FBXW4: variants seen among roughly 807,000 people sequenced by gnomAD.
FBXW4 encodes F-box/WD repeat-containing protein 4.
A neutral mutation model predicts 61.8 loss-of-function variants in FBXW4; 40 were observed. The observed-to-expected ratio is 0.65, with a 90% confidence interval of 0.50 to 0.84. The LOEUF (loss-of-function observed/expected upper bound fraction) is 0.84. Among genes scored for constraint, FBXW4 ranks in the 40% least tolerant of loss-of-function variants. The probability of loss-of-function intolerance (pLI) is 0.00; values close to 1 mark genes in which losing one functional copy is unlikely to be tolerated. For missense variants in FBXW4, 672 were observed against 753.8 expected, an observed-to-expected ratio of 0.89 and a Z score of 1.27; for synonymous variants, 311 against 313.8, an observed-to-expected ratio of 0.99 and a Z score of 0.10.
At chr10:101,637,595 C>T (rs1659477209) in intron 5 of FBXW4, among the ~76,000 whole-genome samples, 1 of 148,582 alleles carries the variant, frequency 6.7e-6, no homozygotes, top group African/African-American at 2.5e-5. Flanking sequence ...GTAATCCCAT[C>T]TACTTGGGAA....
intron 4 of FBXW4, among the ~76,000 whole-genome samples, chr10:101,668,534 T>C (rs781598737): frequency 6.6e-6 from 1 of 152,206 alleles, no homozygotes; most frequent in Non-Finnish European, 1.5e-5. Flanking sequence ...TTGTTGATAA[T>C]GCCCAGGATC....
At chr10:101,630,427 C>T (rs2063942755) in intron 5 of FBXW4, among the ~76,000 whole-genome samples, 1 of 152,172 alleles carries the variant, frequency 6.6e-6, no homozygotes, top group African/African-American at 2.4e-5. Flanking sequence ...TTGGCCCCCT[C>T]CTTAAATACC....
At chr10:101,668,007 G>A (rs372938274) in intron 4 of FBXW4, 27 bp from the exon 5 acceptor site, 20 of 1,569,164 alleles carry the variant, frequency 1.3e-5, no homozygotes, top group African/African-American at 6.7e-5. Context: ...AGATGCTCTC[G>A]TTGGCATTGC....
intron 1 of FBXW4, among the ~76,000 whole-genome samples, chr10:101,681,264 T>C (rs1351897823): frequency 1.3e-5 from 2 of 151,922 alleles, no homozygotes; most frequent in Non-Finnish European, 2.9e-5. Flanking sequence ...AGTGGGCGTC[T>C]GCAATCCCAG....
At chr10:101,622,308 C>T (rs573392787) in intron 6 of FBXW4, among the ~76,000 whole-genome samples, 1 of 152,176 alleles carries the variant, frequency 6.6e-6, no homozygotes, top group South Asian at 2.1e-4. Flanking sequence ...ACATGTGGGG[C>T]CTAGGGCAAG....
intron 5 of FBXW4, among the ~76,000 whole-genome samples, chr10:101,639,716 G>A (rs986232805): frequency 2.6e-4 from 40 of 152,164 alleles, no homozygotes; most frequent in African/African-American, 8.4e-4. Context: ...AGGAGCACTT[G>A]GCAGCCTCAT....
At chr10:101,612,998 A>C (rs1410375226) in intron 6 of FBXW4, 2 of 152,456 alleles carry the variant, frequency 1.3e-5, no homozygotes, top group Admixed American at 1.3e-4. Flanking sequence ...TAAAACAAGT[A>C]AACACCTTTG....
At chr10:101,688,191 G>A (rs2064553210) in intron 1 of FBXW4, among the ~76,000 whole-genome samples, 1 of 152,256 alleles carries the variant, frequency 6.6e-6, no homozygotes, top group African/African-American at 2.4e-5. Context: ...GGAATGGAAA[G>A]TCAACAGACG....
At chr10:101,619,774 C>A (rs2063854017) in intron 6 of FBXW4, among the ~76,000 whole-genome samples, 1 of 152,204 alleles carries the variant, frequency 6.6e-6, no homozygotes, top group African/African-American at 2.4e-5. Flanking sequence ...CTAGCAACTG[C>A]CCCTCCATCC....
intron 6 of FBXW4, among the ~76,000 whole-genome samples, chr10:101,614,039 G>A (rs2063808536): frequency 1.3e-5 from 2 of 152,172 alleles, no homozygotes; most frequent in Admixed American, 6.5e-5. Flanking sequence ...TTCCCAGATG[G>A]GCCACCAGCC....
chr10:101,676,296 C>A (rs769574767), intron 2 of FBXW4, 45 bp downstream of exon 2: 2 of 1,547,016 alleles, frequency 1.3e-6, no homozygotes, highest in Non-Finnish European at 1.8e-6. Flanking sequence ...TTCCATTATG[C>A]TTTTATGTCC....
intron 5 of FBXW4, among the ~76,000 whole-genome samples, chr10:101,648,555 G>A (rs1054897264): frequency 5.3e-5 from 8 of 152,148 alleles, no homozygotes; most frequent in African/African-American, 1.9e-4. Context: ...GTACAGCCAA[G>A]TTCATTATCT....
chr10:101,627,843 G>T (rs1382354539), intron 5 of FBXW4: 7 of 496,934 alleles, frequency 1.4e-5, no homozygotes, highest in Non-Finnish European at 1.8e-5. Context: ...CCCACACTCA[G>T]ACTCCTCCCT....
chr10:101,694,600 GCCTCCTCCTCCT>G lies in FBXW4; in HGVS notation c.494_505del (p.Glu165_Glu168del), dbSNP rs560966094. On this transcript the variant is annotated inframe_deletion, in exon 1 of 9. Transcript: ENST00000331272. This position sits in a 1 kb window ranked among gnomAD's most constrained non-coding sequence, Gnocchi z 6.0. ...CGGGCGGGCAGCCGACTCCCGAGCCGCCTCCTCCTCCTCCTCCTCCTCCCCGGCCGCCGCCGC... is the reference window on the plus strand; with the variant it reads ...CGGGCGGGCAGCCGACTCCCGAGCCGCCTCCTCCTCCCCGGCCGCCGCCGC... 5 of 1,426,174 alleles carry G rather than the reference GCCTCCTCCTCCT, an allele frequency of 3.5e-6. No homozygotes were observed. Among genetic ancestry groups the G allele is most frequent in the Middle Eastern group, 2.1e-4 (1 of 4,804 alleles). The allele number at this position is 1,426,174 out of a possible 1,614,324, so 88.3% of individuals were successfully genotyped here. A position where few individuals can be genotyped will look rare whatever the true frequency, so the allele number is the denominator to read the frequency against.
chr10:101,673,313 C>T (rs1322797045), intron 3 of FBXW4, among the ~76,000 whole-genome samples, 175 bp downstream of exon 3: 1 of 152,194 alleles, frequency 6.6e-6, no homozygotes, highest in East Asian at 1.9e-4. Context: ...TCCTGTTTTC[C>T]TTCTCCAGCT....
intron 1 of FBXW4, among the ~76,000 whole-genome samples, chr10:101,693,302 T>C (rs902561055): frequency 6.6e-6 from 1 of 152,224 alleles, no homozygotes; most frequent in Non-Finnish European, 1.5e-5. Context: ...TGTATGGTAA[T>C]GACATGTGAC....
intron 5 of FBXW4, among the ~76,000 whole-genome samples, chr10:101,627,134 C>T (rs898295527): frequency 6.6e-6 from 1 of 151,370 alleles, no homozygotes; most frequent in African/African-American, 2.4e-5. Context: ...AGTTGATCCA[C>T]CTGCCTCAGC....
intron 5 of FBXW4, among the ~76,000 whole-genome samples, chr10:101,653,349 A>G (rs1021317174): frequency 6.6e-6 from 1 of 152,174 alleles, no homozygotes; most frequent in Non-Finnish European, 1.5e-5. Flanking sequence ...ATCTGGCCCA[A>G]AACGGTCCAA....
At chr10:101,623,257 C>T (rs1003518615) in intron 6 of FBXW4, among the ~76,000 whole-genome samples, 1 of 152,004 alleles carries the variant, frequency 6.6e-6, no homozygotes, top group Non-Finnish European at 1.5e-5. Context: ...AAAAAACACA[C>T]AAAAAATTAG....
Sources: gnomAD v4.1 joint callset for allele counts (sites outside exome capture counted in the v4.1 genomes callset) on GRCh38, gnomAD v4.1.1 for gene constraint, Gnocchi (gnomAD v3.1) non-coding constraint, MANE v1.5 for transcripts, NCBI Gene and HGNC (gene_info 2026-07-23, HGNC 2026-07-21) for gene names.